VAV3: variants seen among roughly 807,000 people sequenced by gnomAD.
VAV3 encodes the protein vav guanine nucleotide exchange factor 3, also known as guanine nucleotide exchange factor VAV3.
A neutral mutation model predicts 131.2 loss-of-function variants in VAV3; 94 were observed. The observed-to-expected ratio is 0.72, with a 90% CI of 0.61 to 0.85. VAV3 has a LOEUF of 0.85. VAV3 is among the 40% of genes least tolerant of loss of function. The probability of loss-of-function intolerance (pLI) is 0.00; values close to 1 mark genes in which losing one functional copy is unlikely to be tolerated. For missense variants in VAV3, 939 were observed against 1,002.7 expected, an observed-to-expected ratio of 0.94 and a Z score of 0.86; for synonymous variants, 349 against 342.0, an observed-to-expected ratio of 1.02 and a Z score of -0.22.
intron 17 of VAV3, among the ~76,000 whole-genome samples, chr1:107,701,374 T>C (rs1470989075): frequency 6.6e-6 from 1 of 151,994 alleles, no homozygotes; most frequent in African/African-American, 2.4e-5. Flanking sequence ...CTTTTCGCCA[T>C]GGCTGGAGCA....
chr1:107,596,092 TTGCTCATGC>T (rs1651357727), intron 25 of VAV3, 111 bp downstream of exon 25: 2 of 1,336,196 alleles, frequency 1.5e-6, no homozygotes, highest in East Asian at 4.8e-5. Flanking sequence ...AAAGAAGTCC[TTGCTCATGC>T]ATTAGCGCAT....
At chr1:107,876,051 A>T (rs1391006696) in intron 1 of VAV3, among the ~76,000 whole-genome samples, 1 of 152,214 alleles carries the variant, frequency 6.6e-6, no homozygotes, top group Non-Finnish European at 1.5e-5. Flanking sequence ...TTAAAGGATC[A>T]GGAAAAGAGG....
intron 19 of VAV3, among the ~76,000 whole-genome samples, chr1:107,654,000 T>A (rs999436289): frequency 1.3e-5 from 2 of 152,102 alleles, no homozygotes; most frequent in East Asian, 3.9e-4. Context: ...GCTAGCACAG[T>A]GCCTGTGTCA....
chr1:107,631,207 T>C (rs1308919643), intron 20 of VAV3, among the ~76,000 whole-genome samples: 1 of 152,022 alleles, frequency 6.6e-6, no homozygotes, highest in African/African-American at 2.4e-5. Flanking sequence ...ATAAAATTTA[T>C]ATTTATACTA....
intron 2 of VAV3, among the ~76,000 whole-genome samples, chr1:107,799,532 T>C (rs1666728275): frequency 6.6e-6 from 1 of 152,186 alleles, no homozygotes; most frequent in South Asian, 2.1e-4. Context: ...TAACTTACTT[T>C]CCACCAATAA....
At chr1:107,926,910 C>A (rs773082577) in intron 1 of VAV3, among the ~76,000 whole-genome samples, 1 of 152,116 alleles carries the variant, frequency 6.6e-6, no homozygotes, top group Non-Finnish European at 1.5e-5. Context: ...TAGTGTTGAA[C>A]TGGGCTCAGA....
intron 2 of VAV3, among the ~76,000 whole-genome samples, chr1:107,853,656 C>G (rs772908203): frequency 6.6e-6 from 1 of 150,920 alleles, no homozygotes; most frequent in African/African-American, 2.4e-5. Context: ...GATGACAAAG[C>G]AGGACACAGA....
At chr1:107,754,982 C>G (rs1049353432) in intron 12 of VAV3, among the ~76,000 whole-genome samples, 4 of 152,046 alleles carry the variant, frequency 2.6e-5, no homozygotes, top group Non-Finnish European at 4.4e-5. Flanking sequence ...GCATTTTTAA[C>G]TCTTTTTTTT....
chr1:107,881,587 T>C (rs1032566028), intron 1 of VAV3, among the ~76,000 whole-genome samples: 1 of 152,192 alleles, frequency 6.6e-6, no homozygotes, highest in Admixed American at 6.5e-5. Flanking sequence ...TCAACAACCA[T>C]GCGTAGCCTC....
chr1:107,643,124 C>T (rs1016376660), intron 19 of VAV3, among the ~76,000 whole-genome samples: 1 of 152,134 alleles, frequency 6.6e-6, no homozygotes, highest in African/African-American at 2.4e-5. Context: ...CTATTACTTT[C>T]CTCTTGGGCA....
At chr1:107,578,118 G>T (rs1649780138) in intron 25 of VAV3, among the ~76,000 whole-genome samples, 1 of 152,170 alleles carries the variant, frequency 6.6e-6, no homozygotes, top group South Asian at 2.1e-4. Flanking sequence ...CACCCAAACA[G>T]ACTGGCCAAG....
chr1:107,907,823 T>C (rs889429296), intron 1 of VAV3, among the ~76,000 whole-genome samples: 2 of 152,156 alleles, frequency 1.3e-5, no homozygotes, highest in African/African-American at 4.8e-5. Flanking sequence ...CTATAAGAAA[T>C]AAATTTCTGT....
intron 15 of VAV3, among the ~76,000 whole-genome samples, chr1:107,714,784 G>A (rs1248367664): frequency 5.3e-5 from 8 of 151,896 alleles, no homozygotes; most frequent in African/African-American, 9.7e-5. Flanking sequence ...TCCAAATCAC[G>A]TACAGTCTTT....
Position 107,660,115 on chromosome 1 carries a change from TC to T in VAV3, c.1778-17361del, listed in dbSNP as rs1656898274. The stretch of plus-strand genomic sequence containing the variant: ...TTCACCTTCAATTTACTCACTTCTT[TC>T]CCCACTCCATGTTTTTTTCTTTCCC... On this transcript the variant is annotated intron_variant, in intron 19 of 26. Coordinates refer to ENST00000370056, the MANE Select transcript of VAV3 (RefSeq NM_006113.5). Among the ~76,000 whole-genome samples the T allele has an allele frequency of 2.0e-5, 3 of 152,138 alleles. No homozygotes were observed. The South Asian group carries it at 6.2e-4, about 32-fold the overall frequency.
chr1:107,768,549 T>C, intron 6 of VAV3, 40 bp from the exon 7 acceptor site: 1 of 1,517,148 alleles, frequency 6.6e-7, no homozygotes, highest in Non-Finnish European at 9.1e-7. Context: ...TAAGTATAAC[T>C]TGTCCTAATC....
intron 15 of VAV3, among the ~76,000 whole-genome samples, chr1:107,717,603 C>T (rs961875670): frequency 1.3e-5 from 2 of 152,098 alleles, no homozygotes; most frequent in African/African-American, 2.4e-5. Flanking sequence ...GTCTGAGAGA[C>T]AGTTTGTTGT....
chr1:107,661,250 C>T (rs755399620), intron 19 of VAV3, among the ~76,000 whole-genome samples: 45 of 151,722 alleles, frequency 3.0e-4, no homozygotes, highest in Non-Finnish European at 4.7e-4. Flanking sequence ...GCCTCCTTCA[C>T]GGGGCAGCTC....
intron 17 of VAV3, among the ~76,000 whole-genome samples, chr1:107,691,102 T>TA (rs1290361975): frequency 6.6e-6 from 1 of 152,164 alleles, no homozygotes; most frequent in Non-Finnish European, 1.5e-5. Flanking sequence ...TGACAGTGAC[T>TA]ATACCATTAA....
intron 2 of VAV3, among the ~76,000 whole-genome samples, chr1:107,870,620 TGAA>T (rs1186151077): frequency 6.6e-6 from 1 of 152,168 alleles, no homozygotes; most frequent in East Asian, 1.9e-4. Flanking sequence ...CATTTTGCTG[TGAA>T]GAAGCTCTTT....
Sources: allele counts gnomAD v4.1 joint callset (sites outside exome capture counted in the v4.1 genomes callset), GRCh38; gene constraint gnomAD v4.1.1; transcripts MANE v1.5; gene names NCBI Gene and HGNC (gene_info 2026-07-23, HGNC 2026-07-21).